The following CTIF variants were observed in gnomAD, a reference collection of about 807,000 sequenced individuals.
CTIF encodes the protein CBP80/20-dependent translation initiation factor.
Under a neutral mutation model 66.0 loss-of-function variants are expected in CTIF, and 21 were observed. That is an observed-to-expected ratio of 0.32 (90% CI 0.23 to 0.46). The LOEUF (loss-of-function observed/expected upper bound fraction) is 0.46. Among genes scored for constraint, CTIF ranks in the 20% least tolerant of loss-of-function variants. CTIF has a pLI of 1.00. For synonymous variants in CTIF, 345 were observed against 326.4 expected (o/e 1.06, Z -0.62); for missense variants, 739 against 812.7 (o/e 0.91, Z 1.10).
intron 6 of CTIF, among the ~76,000 whole-genome samples, chr18:48,680,995 G>A (rs950798797): frequency 6.6e-6 from 1 of 152,216 alleles, no homozygotes; most frequent in Non-Finnish European, 1.5e-5. Flanking sequence ...TCTCCAGCAG[G>A]CATTTGTGAA....
intron 10 of CTIF, among the ~76,000 whole-genome samples, chr18:48,833,572 G>C (rs1443943058): frequency 6.6e-6 from 1 of 152,186 alleles, no homozygotes; most frequent in Non-Finnish European, 1.5e-5. Context: ...TCCTAGGTAG[G>C]AAGATGTAGG....
chr18:48,687,837 C>G (rs938493533), intron 6 of CTIF, among the ~76,000 whole-genome samples: 2 of 152,324 alleles, frequency 1.3e-5, no homozygotes, highest in Non-Finnish European at 1.5e-5. Flanking sequence ...CCGCCTGAGT[C>G]CCGCTGTCCT....
intron 2 of CTIF, among the ~76,000 whole-genome samples, chr18:48,632,510 C>G (rs2090737438): frequency 6.6e-6 from 1 of 152,208 alleles, no homozygotes; most frequent in Admixed American, 6.5e-5. Context: ...TCCATCTCTA[C>G]CACCACTGCT....
intron 3 of CTIF, among the ~76,000 whole-genome samples, chr18:48,651,228 G>A (rs896929910): frequency 2.0e-5 from 3 of 152,200 alleles, no homozygotes; most frequent in Admixed American, 2.0e-4. Context: ...AAACCCATCA[G>A]TGTGCTGTAT....
intron 10 of CTIF, among the ~76,000 whole-genome samples, chr18:48,856,718 CAT>C (rs1401867829): frequency 1.3e-5 from 2 of 152,214 alleles, no homozygotes; most frequent in Non-Finnish European, 2.9e-5. Flanking sequence ...TCCATAGAGA[CAT>C]AGAATCGGGG....
rs151050938 is a variant in CTIF at position 48,621,704 on chromosome 18, G to A, written c.180+1959G>A. 2.0e-3 allele frequency: 531 copies of A among 271,116 alleles called. 4 individuals carry two copies. Among genetic ancestry groups the A allele is most frequent in the African/African-American group, 0.011 (482 of 42,418 alleles). 16.8% of individuals were successfully genotyped at this position (271,116 alleles called of 1,614,324 possible). A position where few individuals can be genotyped will look rare whatever the true frequency, so the allele number is the denominator to read the frequency against. On this transcript the variant is annotated intron_variant, in intron 2 of 11. Transcript: ENST00000256413. The stretch of plus-strand genomic sequence containing the variant: ...CGTGACGGGGAAGTTTCCACTGAGC[G>A]GTGAAGGCAGAAGCCTGCCTGTGGC...
chr18:48,597,266 ACAGAC>A lies in CTIF; in HGVS notation c.-28-22270_-28-22266del, dbSNP rs1194086707. On this transcript the variant is annotated intron_variant, in intron 1 of 11. Transcript: ENST00000256413. Reference sequence around the variant, plus strand: ...AGGGAACCACAGCCTCCAGCGGGAGACAGACCTGTGACTGGATAGATGACCAGTCA... The same window carrying A: ...AGGGAACCACAGCCTCCAGCGGGAGACTGTGACTGGATAGATGACCAGTCA... Among the ~76,000 whole-genome samples the A allele has an allele frequency of 9.2e-5, 14 of 152,232 alleles. 1 individual carries two copies. Among genetic ancestry groups the A allele is most frequent in the African/African-American group, 3.4e-4 (14 of 41,464 alleles).
chr18:48,739,108 C>T (rs577014436), intron 7 of CTIF, among the ~76,000 whole-genome samples: 1 of 152,326 alleles, frequency 6.6e-6, no homozygotes, highest in East Asian at 1.9e-4. Context: ...CTCCCACCTC[C>T]CAGGGCCTGT....
At chr18:48,656,692 A>C (rs890539554) in intron 3 of CTIF, among the ~76,000 whole-genome samples, 2 of 152,212 alleles carry the variant, frequency 1.3e-5, no homozygotes, top group Non-Finnish European at 2.9e-5. Context: ...CTAATTGCCA[A>C]TAAAAGGGGC....
chr18:48,806,892 C>T (rs966680210), intron 9 of CTIF, among the ~76,000 whole-genome samples: 2 of 152,102 alleles, frequency 1.3e-5, no homozygotes, highest in South Asian at 4.1e-4. Context: ...AGGCAGGAAA[C>T]GGGGCTTAAA....
At chr18:48,622,022 G>A (rs1032324632) in intron 2 of CTIF, among the ~76,000 whole-genome samples, 8 of 152,182 alleles carry the variant, frequency 5.3e-5, no homozygotes, top group South Asian at 4.1e-4. Flanking sequence ...AGCGGCTTGC[G>A]GCCACGAAGG....
intron 9 of CTIF, among the ~76,000 whole-genome samples, chr18:48,783,832 C>A (rs1911469195): frequency 6.6e-6 from 1 of 152,172 alleles, no homozygotes; most frequent in Admixed American, 6.5e-5. Context: ...CCGACCACCG[C>A]CCTCTGACCC....
chr18:48,704,277 C>G (rs1253090108), intron 6 of CTIF, among the ~76,000 whole-genome samples: 2 of 152,198 alleles, frequency 1.3e-5, no homozygotes, highest in East Asian at 1.9e-4. Flanking sequence ...TGGGCAACTT[C>G]TTTGACCTCA....
chr18:48,852,625 A>G (rs532324690), intron 10 of CTIF, among the ~76,000 whole-genome samples: 3 of 152,324 alleles, frequency 2.0e-5, no homozygotes, highest in African/African-American at 7.2e-5. Flanking sequence ...CCAGTGCGGG[A>G]GAGGGGTCAC....
intron 6 of CTIF, among the ~76,000 whole-genome samples, chr18:48,700,879 C>T (rs1217586078): frequency 6.6e-6 from 1 of 152,176 alleles, no homozygotes; most frequent in Non-Finnish European, 1.5e-5. Context: ...CACAGGGCAC[C>T]GTGGGCATCC....
chr18:48,733,979 G>C (rs760788081), intron 7 of CTIF, among the ~76,000 whole-genome samples: 13 of 152,238 alleles, frequency 8.5e-5, no homozygotes, highest in Admixed American at 4.6e-4. Context: ...ACAATTTGGG[G>C]CTCAATAAAA....
intron 9 of CTIF, among the ~76,000 whole-genome samples, chr18:48,767,714 A>G (rs914635337): frequency 2.8e-4 from 42 of 152,238 alleles, no homozygotes; most frequent in African/African-American, 1.0e-3. Flanking sequence ...AGATTTCAAA[A>G]TAAATTGCTC....
intron 2 of CTIF, among the ~76,000 whole-genome samples, chr18:48,632,511 C>T (rs1013779146): frequency 2.8e-4 from 42 of 152,176 alleles, no homozygotes; most frequent in African/African-American, 1.0e-3. Context: ...CCATCTCTAC[C>T]ACCACTGCTA....
intron 6 of CTIF, among the ~76,000 whole-genome samples, chr18:48,683,394 G>A (rs1264637471): frequency 6.7e-6 from 1 of 149,720 alleles, no homozygotes; most frequent in East Asian, 2.1e-4. Flanking sequence ...CCGAGCATCA[G>A]TGGTCTCACT....
Sources: gnomAD v4.1 joint callset for allele counts (sites outside exome capture counted in the v4.1 genomes callset) on GRCh38, gnomAD v4.1.1 for gene constraint, MANE v1.5 for transcripts, NCBI Gene and HGNC (gene_info 2026-07-23, HGNC 2026-07-21) for gene names.